The following USH2A variants were observed in gnomAD, a reference collection of about 807,000 sequenced individuals.
The protein encoded by USH2A is usherin.
USH2A carries 443 observed loss-of-function variants against 538.9 expected under a neutral mutation model. The observed-to-expected ratio is 0.82, with a 90% CI of 0.76 to 0.89. The LOEUF (loss-of-function observed/expected upper bound fraction) is 0.89. USH2A is among the 40% of genes least tolerant of loss of function. USH2A has a pLI of 0.00. For synonymous variants in USH2A, 2,413 were observed against 2,273.5 expected (o/e 1.06, Z -1.75); for missense variants, 6,633 against 6,324.8 (o/e 1.05, Z -1.65).
intron 70 of USH2A, among the ~76,000 whole-genome samples, chr1:215,632,245 T>G (rs906267452): frequency 1.3e-5 from 2 of 152,120 alleles, no homozygotes; most frequent in Non-Finnish European, 1.5e-5. Flanking sequence ...CTTGAGGTTC[T>G]GGTTAAAATG....
chr1:216,353,128 T>C (rs776016057), intron 4 of USH2A, among the ~76,000 whole-genome samples: 33 of 151,940 alleles, frequency 2.2e-4, no homozygotes, highest in Non-Finnish European at 3.2e-4. Context: ...TTATAATAAC[T>C]GGCCATGAAA....
chr1:216,079,840 A>T (rs2031877882), intron 26 of USH2A: 1 of 152,204 alleles, frequency 6.6e-6, no homozygotes, highest in Admixed American at 6.6e-5. Context: ...GATGCTGATG[A>T]AAGAGAAGAC....
chr1:215,886,131 T>C (rs1307512281), intron 41 of USH2A, among the ~76,000 whole-genome samples: 2 of 152,182 alleles, frequency 1.3e-5, no homozygotes, highest in African/African-American at 2.4e-5. Flanking sequence ...GCTGTTAATA[T>C]TACTGTCAAT....
intron 40 of USH2A, among the ~76,000 whole-genome samples, chr1:215,894,827 A>T (rs796494407): frequency 2.2e-4 from 34 of 152,298 alleles, no homozygotes; most frequent in African/African-American, 8.2e-4. Flanking sequence ...GTCCCTCTTC[A>T]GGTCTCATAT....
intron 11 of USH2A, among the ~76,000 whole-genome samples, chr1:216,267,341 T>C (rs1469680560): frequency 6.6e-6 from 1 of 152,062 alleles, no homozygotes; most frequent in Non-Finnish European, 1.5e-5. Flanking sequence ...AGTGAAGGCC[T>C]GACAGATATA....
rs375429745 is a variant in USH2A, at chr1:215,640,569, G to A, written c.14957C>T (p.Thr4986Met). 3.8e-5 allele frequency: 61 copies of A among 1,613,866 alleles called. No individual in the cohort carries two copies. The highest frequency in any genetic ancestry group is 1.7e-4 in the Admixed American group (10 of 60,000). Reference protein sequence around the residue: ...GLDTTLYIPRTADKTFFFQVI... With the variant: ...GLDTTLYIPRMADKTFFFQVI... ...AGTCAGAAACTAACTTTTGTCCGCC[G>A]TTCTCGGTATGTAGAGGGTGGTGTC... The change falls in exon 68 of 72, where the codon ACG becomes ATG. Residue 4986 changes from threonine (T) to methionine (M), a missense_variant. Thr to Met is a moderately conservative substitution (Grantham distance 81). Transcript: ENST00000307340.
At chr1:215,652,892 TG>T (rs1362114915) in intron 64 of USH2A, among the ~76,000 whole-genome samples, 4 of 152,028 alleles carry the variant, frequency 2.6e-5, no homozygotes. Flanking sequence ...CTACAATGGA[TG>T]GGGAGGAAAA....
At chr1:215,815,293 G>A (rs1662826638) in intron 48 of USH2A, among the ~76,000 whole-genome samples, 1 of 151,896 alleles carries the variant, frequency 6.6e-6, no homozygotes, top group African/African-American at 2.4e-5. Context: ...CAAATGTGAT[G>A]TTTCTTTTCA....
chr1:216,161,174 G>T (rs2102628730), intron 21 of USH2A, among the ~76,000 whole-genome samples: 1 of 152,088 alleles, frequency 6.6e-6, no homozygotes, highest in Non-Finnish European at 1.5e-5. Context: ...AGACTATTTA[G>T]ATTTAATGCA....
At chr1:215,845,285 T>G (rs1054553203) in intron 45 of USH2A, among the ~76,000 whole-genome samples, 1 of 152,132 alleles carries the variant, frequency 6.6e-6, no homozygotes, top group African/African-American at 2.4e-5. Context: ...ATTATAATGT[T>G]TATAATGAGA....
chr1:215,890,490 G>T (rs1333277879), intron 40 of USH2A, among the ~76,000 whole-genome samples: 1 of 152,158 alleles, frequency 6.6e-6, no homozygotes, highest in Admixed American at 6.5e-5. Context: ...AGCAAAAGAT[G>T]TTATAGTGCA....
intron 61 of USH2A, among the ~76,000 whole-genome samples, chr1:215,709,665 A>C (rs1372563084): frequency 1.3e-5 from 2 of 151,754 alleles, no homozygotes; most frequent in Non-Finnish European, 2.9e-5. Flanking sequence ...AAAAAAAAAA[A>C]AAAAACTCAT....
chr1:215,719,253 G>A (rs192745085), intron 61 of USH2A, among the ~76,000 whole-genome samples: 212 of 148,174 alleles, frequency 1.4e-3, no homozygotes, highest in African/African-American at 5.0e-3. Context: ...CAGGTAAAGA[G>A]AACTACATAT....
chr1:216,136,009 G>A (rs1269448006), intron 21 of USH2A, among the ~76,000 whole-genome samples: 1 of 151,950 alleles, frequency 6.6e-6, no homozygotes, highest in Non-Finnish European at 1.5e-5. Context: ...TTACCATATT[G>A]TAATAAGTGT....
At chr1:215,696,739 C>T (rs1411548468) in intron 61 of USH2A, among the ~76,000 whole-genome samples, 1 of 152,082 alleles carries the variant, frequency 6.6e-6, no homozygotes, top group Non-Finnish European at 1.5e-5. Context: ...CATGGTGGCT[C>T]ACGCCTCTAA....
chr1:216,130,747 C>T (rs1335083571), intron 21 of USH2A, among the ~76,000 whole-genome samples: 3 of 150,698 alleles, frequency 2.0e-5, no homozygotes, highest in Non-Finnish European at 4.4e-5. Flanking sequence ...CATATTTTTG[C>T]AATTGTGATT....
intron 15 of USH2A, among the ~76,000 whole-genome samples, chr1:216,210,060 A>G (rs1207551881): frequency 1.3e-5 from 2 of 152,156 alleles, no homozygotes; most frequent in Non-Finnish European, 2.9e-5. Context: ...GTCCTGCCCC[A>G]TGCCCTGGAG....
At chr1:216,013,496 CCT>C (rs1466806851) in intron 32 of USH2A, among the ~76,000 whole-genome samples, 1 of 152,038 alleles carries the variant, frequency 6.6e-6, no homozygotes, top group Non-Finnish European at 1.5e-5. Context: ...CATCATATCC[CCT>C]GTGACCTGCA....
chr1:215,666,754 CA>C (rs1031139976), intron 64 of USH2A, among the ~76,000 whole-genome samples: 1 of 151,562 alleles, frequency 6.6e-6, no homozygotes, highest in Admixed American at 6.6e-5. Context: ...GCAGTATTTC[CA>C]AAAAAAAGTG....
Sources: gnomAD v4.1 joint callset for allele counts (sites outside exome capture counted in the v4.1 genomes callset) on GRCh38, gnomAD v4.1.1 for gene constraint, MANE v1.5 for transcripts, NCBI Gene and HGNC (gene_info 2026-07-23, HGNC 2026-07-21) for gene names.